Variants in ALOX12B observed in about 807,000 individuals in gnomAD.
ALOX12B encodes arachidonate 12-lipoxygenase, 12R type, also known as arachidonate 12-lipoxygenase, 12R-type.
Under a neutral mutation model 78.9 loss-of-function variants are expected in ALOX12B, and 47 were observed. The ratio of observed to expected loss-of-function variants is 0.60; its 90% CI spans 0.47 to 0.76. The LOEUF (loss-of-function observed/expected upper bound fraction) is 0.76. ALOX12B is among the 30% of genes least tolerant of loss of function. The pLI is 0.00. For missense variants in ALOX12B, 805 were observed against 922.6 expected, an observed-to-expected ratio of 0.87 and a Z score of 1.65; for synonymous variants, 370 against 374.5, an observed-to-expected ratio of 0.99 and a Z score of 0.14.
Position 8,072,942 on chromosome 17 carries a change from CA to C in ALOX12B, c.1934del (p.Leu645ArgfsTer18), listed in dbSNP as rs755062592. On this transcript the variant is annotated frameshift_variant, in exon 15 of 15. Coordinates refer to ENST00000647874, the MANE Select transcript of ALOX12B (RefSeq NM_001139.3). ...CGAAGTGAATGTCCGGGAAGTGTCC[CA>C]GGGGCCGCTGCGGGCAGAGAGCTCG... ...LSREPDDRRP[L>X]GHFPDIHFVE... 2 of 1,611,512 alleles carry C rather than the reference CA, an allele frequency of 1.2e-6. No homozygotes were observed. The highest frequency in any genetic ancestry group is 1.3e-5 in the African/African-American group (1 of 74,892).
chr17:8,079,496 A>T lies in ALOX12B; in HGVS notation c.971T>A (p.Ile324Asn). ...YLADYRIMEG[I>N]PTVELSGRKQ... ...CCGGCCGCTGAGCTCCACGGTGGGG[A>T]TGCCCTCCATGATGCGGTAGTCGGC... The change falls in exon 8 of 15, where the codon ATC becomes AAC. Residue 324 changes from isoleucine (I) to asparagine (N), a missense_variant. Coordinates refer to ENST00000647874, the MANE Select transcript of ALOX12B (RefSeq NM_001139.3). The surrounding 1 kb of genome is among the most constrained non-coding windows in gnomAD (Gnocchi z 6.4). 1 of 1,550,874 alleles carries T rather than the reference A, an allele frequency of 6.4e-7. No homozygotes were observed. The highest frequency in any genetic ancestry group is 8.7e-7 in the Non-Finnish European group (1 of 1,146,940).
chr17:8,086,679 G>A (rs532354081), intron 1 of ALOX12B, among the ~76,000 whole-genome samples: 1 of 152,342 alleles, frequency 6.6e-6, no homozygotes, highest in African/African-American at 2.4e-5. Flanking sequence ...GGCTGGGTCT[G>A]ACTGAAAATC....
At position 8,077,100 on chromosome 17, in the gene ALOX12B, C is replaced by T. The variant is rs777344454; in HGVS notation, c.1165G>A (p.Glu389Lys). The T allele has an allele frequency of 6.2e-7, 1 of 1,614,028 alleles. No individual in the cohort carries two copies. The highest frequency in any genetic ancestry group is 1.7e-5 in the Admixed American group (1 of 60,030). The change falls in exon 9 of 15, where the codon GAG (glutamate) becomes AAG (lysine). Residue 389 changes from glutamate to lysine, a missense_variant. Coordinates refer to ENST00000647874, the MANE Select transcript of ALOX12B (RefSeq NM_001139.3). ...GCGATGGCCTCGTGGCTGTAGAACT[C>T]CGCATAGCGTACCCACGTCTTGGCT... ...LLAKTWVRYA[E>K]FYSHEAIAHL...
At position 8,079,716 on chromosome 17, in the gene ALOX12B, C is replaced by T; in HGVS notation, c.927+53G>A. 1 of 1,577,232 alleles carries T rather than the reference C, an allele frequency of 6.3e-7. No homozygotes were observed. Among genetic ancestry groups the T allele is most frequent in the Non-Finnish European group, 8.6e-7 (1 of 1,163,298 alleles). ...CCGGAGGTGGGGAGAGACGGGGATG[C>T]CCGCGAGGGAGGCCGGGAGGAGGGC... On this transcript the variant is annotated intron_variant, in intron 7 of 14. Transcript: ENST00000647874. The surrounding 1 kb of genome is among the most constrained non-coding windows in gnomAD (Gnocchi z 6.4).
chr17:8,081,252 G>A lies in ALOX12B; in HGVS notation c.353-65C>T, dbSNP rs547751232. Reference sequence around the variant, plus strand: ...TGCCCCTGCCCACTTCAGGAAGCAGGAGTTCAGCTTCTGTGCCCCAGGTCG... The same window carrying A: ...TGCCCCTGCCCACTTCAGGAAGCAGAAGTTCAGCTTCTGTGCCCCAGGTCG... On this transcript the variant is annotated intron_variant, in intron 2 of 14. Coordinates refer to ENST00000647874, the MANE Select transcript of ALOX12B (RefSeq NM_001139.3). 249 of 1,539,482 alleles carry A rather than the reference G, an allele frequency of 1.6e-4. 5 individuals are homozygous for A. In the South Asian group the frequency reaches 2.7e-3, roughly 17 times the overall value.
chr17:8,084,296 C>T (rs144761788), intron 2 of ALOX12B, among the ~76,000 whole-genome samples: 137 of 152,312 alleles, frequency 9.0e-4, no homozygotes, highest in African/African-American at 3.2e-3. Flanking sequence ...CCATCATTTC[C>T]CCTCAAGTCC....
At position 8,079,994 on chromosome 17, in the gene ALOX12B, G is replaced by C; in HGVS notation, c.755-53C>G. 2.5e-6 allele frequency: 4 copies of C among 1,584,390 alleles called. No homozygotes were observed. The highest frequency in any genetic ancestry group is 3.4e-6 in the Non-Finnish European group (4 of 1,164,670). Reference sequence around the variant, plus strand: ...AGGAGGCCCGGCCCCCCTCGGGGACGGAGAGGCATGGGACAGAAGAAGACT... The same window carrying C: ...AGGAGGCCCGGCCCCCCTCGGGGACCGAGAGGCATGGGACAGAAGAAGACT... On this transcript the variant is annotated intron_variant, in intron 6 of 14. Transcript: ENST00000647874. This position sits in a 1 kb window ranked among gnomAD's most constrained non-coding sequence, Gnocchi z 6.4.
Position 8,080,376 on chromosome 17 carries a change from G to T in ALOX12B, c.651-38C>A. ...ATTCCAGGAAGAGGCCTTCAGAGGG[G>T]CTGCCAAGCGCCGGCTGGGGCAGGT... On this transcript the variant is annotated intron_variant, in intron 5 of 14. Coordinates refer to ENST00000647874, the MANE Select transcript of ALOX12B (RefSeq NM_001139.3). The surrounding 1 kb of genome is among the most constrained non-coding windows in gnomAD (Gnocchi z 4.8). The T allele has an allele frequency of 1.2e-6, 2 of 1,608,000 alleles. No individual in the cohort carries two copies. The highest frequency in any genetic ancestry group is 1.7e-6 in the Non-Finnish European group (2 of 1,174,542).
chr17:8,079,819 T>C lies in ALOX12B; in HGVS notation c.877A>G (p.Met293Val), dbSNP rs746108687. The change falls in exon 7 of 15, where the codon ATG becomes GTG. Residue 293 changes from methionine to valine, a missense_variant. Physicochemically the swap from Met to Val is conservative, Grantham distance 21. Coordinates refer to ENST00000647874, the MANE Select transcript of ALOX12B (RefSeq NM_001139.3). This position sits in a 1 kb window ranked among gnomAD's most constrained non-coding sequence, Gnocchi z 6.4. ...CCCTCGCCCAGGAACGGAGCCACCA[T>C]GTCGTCTGTGACGGGGAACTTGTCT... ...IPDKFPVTDDMVAPFLGEGTC... is the reference protein window; with the variant it reads ...IPDKFPVTDDVVAPFLGEGTC... The C allele has an allele frequency of 6.2e-7, 1 of 1,613,460 alleles. No individual in the cohort carries two copies. The highest frequency in any genetic ancestry group is 1.7e-5 in the Admixed American group (1 of 60,020).
intron 13 of ALOX12B, 101 bp downstream of exon 13, chr17:8,073,556 A>G (rs1482360686): frequency 2.5e-6 from 3 of 1,187,450 alleles, no homozygotes; most frequent in African/African-American, 3.0e-5. Flanking sequence ...TTGAGGCTGG[A>G]CCAGGGATTA....
Position 8,080,888 on chromosome 17 carries a change from G to A in ALOX12B, c.523C>T (p.Pro175Ser), listed in dbSNP as rs1224336747. ...AGCACAGCTTCGGGTCCTTACTCAG[G>A]CCGGTTGGGGTTGCGATGCCTCCGC... ...PVRRHRNPNR[P>S]EWNGYIPGFP... The change falls in exon 4 of 15, where the codon CCT (proline) becomes TCT (serine). Residue 175 changes from proline (P) to serine (S), a missense_variant. Physicochemically the swap from Pro to Ser is moderately conservative, Grantham distance 74. Transcript: ENST00000647874. This position sits in a 1 kb window ranked among gnomAD's most constrained non-coding sequence, Gnocchi z 4.8. The A allele has an allele frequency of 3.1e-6, 5 of 1,613,952 alleles. No individual in the cohort carries two copies. The Admixed American group carries it at 8.3e-5, about 27-fold the overall frequency.
At position 8,077,102 on chromosome 17, in the gene ALOX12B, G is replaced by A. The variant is rs202128350; in HGVS notation, c.1163C>T (p.Ala388Val). ...GATGGCCTCGTGGCTGTAGAACTCCGCATAGCGTACCCACGTCTTGGCTAG... is the reference window on the plus strand; with the variant it reads ...GATGGCCTCGTGGCTGTAGAACTCCACATAGCGTACCCACGTCTTGGCTAG... ...WLLAKTWVRY[A>V]EFYSHEAIAH... Residue 388 changes from alanine to valine, a missense_variant, in exon 9 of 15, where the codon GCG becomes GTG. Ala to Val is a moderately conservative substitution (Grantham distance 64). Coordinates refer to ENST00000647874, the MANE Select transcript of ALOX12B (RefSeq NM_001139.3). 122 of 1,613,982 alleles carry A rather than the reference G, an allele frequency of 7.6e-5. No homozygotes were observed. The highest frequency in any genetic ancestry group is 9.2e-5 in the Non-Finnish European group (109 of 1,180,008).
At chr17:8,081,839 C>T (rs544737931) in intron 2 of ALOX12B, among the ~76,000 whole-genome samples, 4 of 152,122 alleles carry the variant, frequency 2.6e-5, no homozygotes, top group African/African-American at 4.8e-5. Flanking sequence ...CACGTGGTTT[C>T]GCCATGTTGT....
rs765318807 is a variant in ALOX12B, at chr17:8,080,542, C to G, written c.650+116G>C. 5 of 1,537,556 alleles carry G rather than the reference C, an allele frequency of 3.3e-6. No individual in the cohort carries two copies. The highest frequency in any genetic ancestry group is 1.4e-5 in the African/African-American group (1 of 73,122). Reference sequence around the variant, plus strand: ...GGTTTTCTGGGTCTGCGTTTCAGCTCCCTCTGCCTTCCTGGCCATTCCAAC... The same window carrying G: ...GGTTTTCTGGGTCTGCGTTTCAGCTGCCTCTGCCTTCCTGGCCATTCCAAC... On this transcript the variant is annotated intron_variant, in intron 5 of 14. Transcript: ENST00000647874. The surrounding 1 kb of genome is among the most constrained non-coding windows in gnomAD (Gnocchi z 4.8).
intron 2 of ALOX12B, chr17:8,081,648 C>T (rs1466714225): frequency 4.8e-6 from 1 of 208,340 alleles, no homozygotes; most frequent in African/African-American, 2.3e-5. Flanking sequence ...TCCATGTGTA[C>T]ACATTTTTTT....
At chr17:8,073,466 G>A (rs1977023469) in intron 13 of ALOX12B, 148 bp from the exon 14 acceptor site, 1 of 1,163,860 alleles carries the variant, frequency 8.6e-7, no homozygotes, top group African/African-American at 1.5e-5. Context: ...GACTGGGGGT[G>A]GGGCTGGGTG....
chr17:8,072,881 G>A lies in ALOX12B; in HGVS notation c.1996C>T (p.Arg666Cys). Reference protein sequence around the residue: ...EAPRRSIEAFRQRLNQISHDI... With the variant: ...EAPRRSIEAFCQRLNQISHDI... ...TGTGAGATCTGGTTCAGGCGCTGGCGGAACGCCTCTATGCTCCTCCGCGGG... is the reference window on the plus strand; with the variant it reads ...TGTGAGATCTGGTTCAGGCGCTGGCAGAACGCCTCTATGCTCCTCCGCGGG... The change falls in exon 15 of 15, where the codon CGC becomes TGC. Residue 666 changes from arginine (R) to cysteine (C), a missense_variant. By Grantham distance (180) the Arg-to-Cys change is radical (BLOSUM62 -3). Transcript: ENST00000647874. The A allele has an allele frequency of 6.2e-7, 1 of 1,614,166 alleles. No homozygotes were observed. The highest frequency in any genetic ancestry group is 2.2e-5 in the East Asian group (1 of 44,876).
At chr17:8,077,804 GTGGA>G (rs1297909438) in intron 8 of ALOX12B, among the ~76,000 whole-genome samples, 1 of 152,174 alleles carries the variant, frequency 6.6e-6, no homozygotes, top group African/African-American at 2.4e-5. Context: ...GGTTTTCCAG[GTGGA>G]TGGATGGATG....
chr17:8,087,288 A>ACT lies in ALOX12B; in HGVS notation c.147+6_147+7dup, dbSNP rs1978304329. ...CACACACACACACACACACACACAC[A>ACT]CTCTTACCGCCCCAGTTGCAAAGTC... On this transcript the variant is annotated splice_region_variant and intron_variant, in intron 1 of 14. Coordinates refer to ENST00000647874, the MANE Select transcript of ALOX12B (RefSeq NM_001139.3). 6.2e-7 allele frequency: 1 copy of ACT among 1,608,218 alleles called. No individual in the cohort carries two copies. Among genetic ancestry groups the ACT allele is most frequent in the Non-Finnish European group, 8.5e-7 (1 of 1,177,444 alleles).
Sources: gnomAD v4.1 joint callset for allele counts (sites outside exome capture counted in the v4.1 genomes callset) on GRCh38, gnomAD v4.1.1 for gene constraint, Gnocchi (gnomAD v3.1) non-coding constraint, MANE v1.5 for transcripts, NCBI Gene and HGNC (gene_info 2026-07-23, HGNC 2026-07-21) for gene names.